The following BAG6 variants were observed in gnomAD, a reference collection of about 807,000 sequenced individuals.
The protein encoded by BAG6 is BAG cochaperone 6, also known as large proline-rich protein BAG6.
A neutral mutation model predicts 121.0 loss-of-function variants in BAG6; 22 were observed. That is an observed-to-expected ratio of 0.18 (90% CI 0.13 to 0.26). The LOEUF (loss-of-function observed/expected upper bound fraction) is 0.26, where lower values mean the gene tolerates loss of function less well. Ranked by LOEUF, BAG6 falls within the 10% of genes least tolerant of loss-of-function variation. BAG6 has a pLI of 1.00. For synonymous variants in BAG6, 583 were observed against 584.6 expected, an observed-to-expected ratio of 1.00 and a Z score of 0.04; for missense variants, 1,233 against 1,537.7, an observed-to-expected ratio of 0.80 and a Z score of 3.31.
At chr6:31,647,222 C>T (rs1159945950) in intron 7 of BAG6, among the ~76,000 whole-genome samples, 1 of 152,134 alleles carries the variant, frequency 6.6e-6, no homozygotes, top group Non-Finnish European at 1.5e-5. Flanking sequence ...ATTCTTTACT[C>T]CCACCCATGA....
intron 8 of BAG6, among the ~76,000 whole-genome samples, chr6:31,646,046 T>C (rs776601695): frequency 6.6e-6 from 1 of 152,180 alleles, no homozygotes; most frequent in Non-Finnish European, 1.5e-5. Flanking sequence ...AGTGCAGTAG[T>C]GCAATCTCGG....
Position 31,640,391 on chromosome 6 carries a change from G to T in BAG6, c.3132C>A (p.Val1044=). The change falls in exon 23 of 26, where the codon GTC becomes GTA. Residue 1044 remains valine, a synonymous_variant. Transcript: ENST00000676615. The surrounding 1 kb of genome is among the most constrained non-coding windows in gnomAD (Gnocchi z 4.2). Reference sequence around the variant, plus strand: ...ATTACTTCCTGACACTTACTGGGGGGACTGCAGCTGCCCAAGGTTCTGTCT... The same window carrying T: ...ATTACTTCCTGACACTTACTGGGGGTACTGCAGCTGCCCAAGGTTCTGTCT... ...SAETEPWAAA[V]PPEWVPIIQQ... 6.2e-7 allele frequency: 1 copy of T among 1,614,172 alleles called. No individual in the cohort carries two copies. The highest frequency in any genetic ancestry group is 8.5e-7 in the Non-Finnish European group (1 of 1,180,042).
At chr6:31,650,963 G>C (rs1406043466) in intron 2 of BAG6, among the ~76,000 whole-genome samples, 7 of 152,156 alleles carry the variant, frequency 4.6e-5, no homozygotes, top group Admixed American at 4.6e-4. Context: ...TCCATTATGG[G>C]TTCTGATTTC....
chr6:31,640,271 G>A lies in BAG6; in HGVS notation c.3174C>T (p.Ser1058=), dbSNP rs760258126. 5.6e-6 allele frequency: 9 copies of A among 1,614,098 alleles called. No individual in the cohort carries two copies. Among genetic ancestry groups the A allele is most frequent in the Non-Finnish European group, 7.6e-6 (9 of 1,180,048 alleles). ...WVPIIQQDIQ[S]QRKVKPQPPL... ...GGGGCTGCGGTTTCACCTTCCGCTG[G>A]CTCTGAATGTCCTGCTGGATAATAG... Residue 1058 remains serine, a synonymous_variant, in exon 24 of 26, where the codon AGC becomes AGT. Transcript: ENST00000676615. The surrounding 1 kb of genome is among the most constrained non-coding windows in gnomAD (Gnocchi z 4.2).
rs747175999 is a variant in BAG6, at chr6:31,645,154, C to G, written c.1161G>C (p.Arg387=). ...TTVTMTGNGT[R]PPPTPNAEAP... ...CCTCTGCATTGGGAGTTGGGGGGGG[C>G]CGAGTCCCATTTCCTGTCATGGTCA... Residue 387 remains arginine, a synonymous_variant, in exon 10 of 26, where the codon CGG becomes CGC. Coordinates refer to ENST00000676615, the MANE Select transcript of BAG6 (RefSeq NM_001387994.1). 26 of 1,612,286 alleles carry G rather than the reference C, an allele frequency of 1.6e-5. No individual in the cohort carries two copies. Among genetic ancestry groups the G allele is most frequent in the Middle Eastern group, 1.6e-4 (1 of 6,080 alleles).
chr6:31,641,293 C>CT lies in BAG6; in HGVS notation c.2662+26dup. The CT allele has an allele frequency of 2.5e-6, 4 of 1,613,796 alleles. No homozygotes were observed. The highest frequency in any genetic ancestry group is 3.4e-6 in the Non-Finnish European group (4 of 1,179,694). The stretch of plus-strand genomic sequence containing the variant: ...AGCCCTGCACATGCAACAGGCCCCA[C>CT]TTGCCCCCGCCTGGCCAGCCCCTGA... On this transcript the variant is annotated intron_variant, in intron 19 of 25. Transcript: ENST00000676615. This position sits in a 1 kb window ranked among gnomAD's most constrained non-coding sequence, Gnocchi z 5.7.
At chr6:31,645,689 G>C in intron 8 of BAG6, 85 bp from the exon 9 acceptor site, 1 of 1,494,350 alleles carries the variant, frequency 6.7e-7, no homozygotes, top group Non-Finnish European at 9.1e-7. Context: ...TGCCTACTGA[G>C]AATACCATGT....
At chr6:31,639,475 T>A (rs771543249) in intron 25 of BAG6, 25 bp downstream of exon 25, 1 of 1,609,294 alleles carries the variant, frequency 6.2e-7, no homozygotes, top group Non-Finnish European at 8.5e-7. Flanking sequence ...CACTAGACCA[T>A]CCCTATTCTG....
rs753536323 is a variant in BAG6, at chr6:31,651,041, T to C, written c.108+615A>G. Among the ~76,000 whole-genome samples the C allele has an allele frequency of 1.2e-4, 19 of 152,368 alleles. 1 individual carries two copies. The highest frequency in any genetic ancestry group is 4.3e-4 in the African/African-American group (18 of 41,592). ...GTAAGACACACTTGCTTAGGGTTCC[T>C]GTGCTGTTTCCCTTCCCAAAGGCCA... On this transcript the variant is annotated intron_variant, in intron 2 of 25. Coordinates refer to ENST00000676615, the MANE Select transcript of BAG6 (RefSeq NM_001387994.1).
chr6:31,645,444 G>A lies in BAG6; in HGVS notation c.1079C>T (p.Thr360Ile). The A allele has an allele frequency of 6.2e-7, 1 of 1,613,080 alleles. No individual in the cohort carries two copies. Among genetic ancestry groups the A allele is most frequent in the Non-Finnish European group, 8.5e-7 (1 of 1,180,036 alleles). Residue 360 changes from threonine (T) to isoleucine (I), a missense_variant, in exon 9 of 26, where the codon ACC (threonine) becomes ATC (isoleucine). This residue lies in a region of BAG6 where 777 missense variants were observed against 861.4 expected (regional missense o/e 0.90). Coordinates refer to ENST00000676615, the MANE Select transcript of BAG6 (RefSeq NM_001387994.1). ...HVVRPMSHYT[T>I]PMVLQQAAIP... ...GGCTGCCTGCTGGAGCACCATGGGG[G>A]TGGTGTAGTGAGACATAGGCCGGAC...
rs764858905 is a variant in BAG6, at chr6:31,641,248, A to G, written c.2663-20T>C. 1 of 1,614,120 alleles carries G rather than the reference A, an allele frequency of 6.2e-7. No homozygotes were observed. Among genetic ancestry groups the G allele is most frequent in the Non-Finnish European group, 8.5e-7 (1 of 1,179,970 alleles). Reference sequence around the variant, plus strand: ...CACTATCTGTGGGCAAAATACAAGGAGGGAATGCTGGCACGTGGCAGCCCT... The same window carrying G: ...CACTATCTGTGGGCAAAATACAAGGGGGGAATGCTGGCACGTGGCAGCCCT... On this transcript the variant is annotated intron_variant, in intron 19 of 25. Transcript: ENST00000676615. This position sits in a 1 kb window ranked among gnomAD's most constrained non-coding sequence, Gnocchi z 5.7.
rs28732155 is a variant in BAG6 at position 31,644,798 on chromosome 6, C to G, written c.1369+148G>C. 7 of 1,366,082 alleles carry G rather than the reference C, an allele frequency of 5.1e-6. No homozygotes were observed. The Middle Eastern group carries it at 1.0e-3, about 199-fold the overall frequency. The allele number at this position is 1,366,082 out of a possible 1,614,324, so 84.6% of individuals were successfully genotyped here. On this transcript the variant is annotated intron_variant, in intron 10 of 25. Transcript: ENST00000676615. The surrounding 1 kb of genome is among the most constrained non-coding windows in gnomAD (Gnocchi z 4.9). ...AAGACAAACCAACCCCCACACCCCC[C>G]ACATCTGTCTACTTAAGCTTCTGCT...
intron 2 of BAG6, among the ~76,000 whole-genome samples, chr6:31,650,665 CAAAAAAA>C (rs1159426518): frequency 1.3e-5 from 1 of 76,626 alleles, no homozygotes; most frequent in Non-Finnish European, 2.7e-5. Context: ...AACTCCATCT[CAAAAAAA>C]AAAAAAAAAG....
chr6:31,643,023 CG>C lies in BAG6; in HGVS notation c.1848del (p.Ala617LeufsTer29). 1 of 1,589,482 alleles carries C rather than the reference CG, an allele frequency of 6.3e-7. No individual in the cohort carries two copies. Among genetic ancestry groups the C allele is most frequent in the Admixed American group, 1.8e-5 (1 of 54,520 alleles). Reference protein sequence around the residue: ...GTTNTATTAGPAPGGPAQPPP... With the variant: ...GTTNTATTAGXAPGGPAQPPP... Reference sequence around the variant, plus strand: ...GGAGGCTGGGCAGGCCCCCCAGGAGCGGGGCCAGCTGTGGTAGCTGTGTTGG... The same window carrying C: ...GGAGGCTGGGCAGGCCCCCCAGGAGCGGGCCAGCTGTGGTAGCTGTGTTGG... On this transcript the variant is annotated frameshift_variant, in exon 15 of 26. Transcript: ENST00000676615. LOFTEE classifies it high-confidence loss of function.
chr6:31,643,953 C>A lies in BAG6; in HGVS notation c.1693G>T (p.Ala565Ser). ...TLQGAGLGTN[A>S]SLAQMVSGLV... The stretch of plus-strand genomic sequence containing the variant: ...CCGCTCACCATCTGGGCCAACGAGG[C>A]ATTGGTACCCAGACCGGCGCCCTGC... The change falls in exon 14 of 26, where the codon GCC becomes TCC. Residue 565 changes from alanine (A) to serine (S), a missense_variant. By Grantham distance (99) the Ala-to-Ser change is moderately conservative. Transcript: ENST00000676615. 1.2e-6 allele frequency: 2 copies of A among 1,613,990 alleles called. No homozygotes were observed. The highest frequency in any genetic ancestry group is 1.7e-6 in the Non-Finnish European group (2 of 1,180,026).
Position 31,640,718 on chromosome 6 carries a change from G to A in BAG6, c.2935-14C>T. On this transcript the variant is annotated splice_polypyrimidine_tract_variant and intron_variant, in intron 21 of 25. Transcript: ENST00000676615. The surrounding 1 kb of genome is among the most constrained non-coding windows in gnomAD (Gnocchi z 4.2). ...CTCAGGAAGTGGCTGTGAAATTAAA[G>A]AACACCATACTTCCTCTCAGATCTC... is the stretch of plus-strand genomic sequence containing the variant. The A allele has an allele frequency of 6.2e-7, 1 of 1,612,918 alleles. No homozygotes were observed. Among genetic ancestry groups the A allele is most frequent in the Non-Finnish European group, 8.5e-7 (1 of 1,179,990 alleles).
intron 6 of BAG6, 110 bp downstream of exon 6, chr6:31,648,567 A>G: frequency 5.7e-6 from 6 of 1,054,842 alleles, no homozygotes; most frequent in Non-Finnish European, 8.4e-6. Context: ...AGAAGACTAG[A>G]TTATGAAGGC....
At chr6:31,646,330 C>A in intron 8 of BAG6, 64 bp downstream of exon 8, 1 of 1,571,378 alleles carries the variant, frequency 6.4e-7, no homozygotes. Flanking sequence ...ATCTGCATTT[C>A]AGCCTGTTCT....
Position 31,644,068 on chromosome 6 carries a change from C to T in BAG6, c.1668+14G>A, listed in dbSNP as rs1469791946. 3 of 1,612,886 alleles carry T rather than the reference C, an allele frequency of 1.9e-6. No individual in the cohort carries two copies. The highest frequency in any genetic ancestry group is 3.3e-5 in the Admixed American group (2 of 59,954). On this transcript the variant is annotated intron_variant, in intron 13 of 25. Transcript: ENST00000676615. The surrounding 1 kb of genome is among the most constrained non-coding windows in gnomAD (Gnocchi z 4.9). ...TAGACTGTTACGCACTAGAACTCCC[C>T]GACCCTTGCTCACCAGTGTCCCAGA... is the stretch of plus-strand genomic sequence containing the variant.
Sources: gnomAD v4.1 joint callset for allele counts (sites outside exome capture counted in the v4.1 genomes callset) on GRCh38, gnomAD v4.1.1 for gene constraint, gnomAD v4.1.1 regional missense constraint, Gnocchi (gnomAD v3.1) non-coding constraint, MANE v1.5 for transcripts, NCBI Gene and HGNC (gene_info 2026-07-23, HGNC 2026-07-21) for gene names.